MTERF3: variants seen among roughly 807,000 people sequenced by gnomAD.
MTERF3 encodes the protein transcription termination factor 3, mitochondrial.
MTERF3 carries 40 observed loss-of-function variants against 40.5 expected under a neutral mutation model. That is an observed-to-expected ratio of 0.99 (90% CI 0.77 to 1.29). The LOEUF is 1.29. Among genes scored for constraint, MTERF3 ranks in the 50% most tolerant of loss-of-function variants. MTERF3 has a pLI of 0.00. For missense variants in MTERF3, 452 were observed against 478.2 expected (o/e 0.95, Z 0.51); for synonymous variants, 158 against 166.6 (o/e 0.95, Z 0.40).
At chr8:96,260,867 T>C (rs1478915695) in intron 1 of MTERF3, among the ~76,000 whole-genome samples, 2 of 152,226 alleles carry the variant, frequency 1.3e-5, no homozygotes, top group Non-Finnish European at 2.9e-5. Context: ...TCCCAGAGCC[T>C]TGTACTGCTC....
chr8:96,245,735 CT>C lies in MTERF3; in HGVS notation c.897+124del, dbSNP rs1305233183. The C allele has an allele frequency of 7.8e-5, 62 of 790,364 alleles. 1 individual carries two copies. The South Asian group carries it at 8.4e-4, about 11-fold the overall frequency. 49.0% of individuals were successfully genotyped at this position (790,364 alleles called of 1,614,324 possible). ...TTGTTAAAGATAATTTCCTATTTCTCTTTTTAGAAATAACTTATTTTAAAGT... is the reference window on the plus strand; with the variant it reads ...TTGTTAAAGATAATTTCCTATTTCTCTTTTAGAAATAACTTATTTTAAAGT... On this transcript the variant is annotated intron_variant, in intron 6 of 7. Coordinates refer to ENST00000287025, the MANE Select transcript of MTERF3 (RefSeq NM_015942.5).
intron 3 of MTERF3, among the ~76,000 whole-genome samples, chr8:96,251,774 T>C (rs1586170194): frequency 1.3e-5 from 2 of 152,346 alleles, no homozygotes; most frequent in African/African-American, 2.4e-5. Flanking sequence ...TCATATTCAT[T>C]ATAACTCCAA....
At position 96,244,061 on chromosome 8, in the gene MTERF3, CCAAGTT is replaced by C. The variant is rs777535308; in HGVS notation, c.911_916del (p.Glu304_Leu305del). 6.2e-6 allele frequency: 10 copies of C among 1,612,400 alleles called. No homozygotes were observed. The South Asian group carries it at 1.1e-4, about 18-fold the overall frequency. ...ATGTTGAATTTCGTTATGTTTAAAA[CCAAGTT>C]CAAGACGATAAACCTAAAAGAAAGT... On this transcript the variant is annotated inframe_deletion, in exon 7 of 8. Coordinates refer to ENST00000287025, the MANE Select transcript of MTERF3 (RefSeq NM_015942.5).
chr8:96,250,489 T>C (rs1467534228), intron 4 of MTERF3, among the ~76,000 whole-genome samples: 2 of 148,856 alleles, frequency 1.3e-5, no homozygotes, highest in African/African-American at 2.5e-5. Flanking sequence ...GATGGGCAGA[T>C]CACTTGAGGT....
At chr8:96,242,284 C>T (rs1160821737) in intron 7 of MTERF3, among the ~76,000 whole-genome samples, 1 of 152,116 alleles carries the variant, frequency 6.6e-6, no homozygotes, top group African/African-American at 2.4e-5. Flanking sequence ...AACAGAGCTT[C>T]TCTGAGGCAA....
chr8:96,243,057 G>A (rs1244512696), intron 7 of MTERF3, among the ~76,000 whole-genome samples: 5 of 152,276 alleles, frequency 3.3e-5, no homozygotes, highest in Non-Finnish European at 5.9e-5. Context: ...TTAGAGGCCC[G>A]TTCCTAGTGA....
Position 96,256,993 on chromosome 8 carries a change from A to G in MTERF3, c.456T>C (p.His152=). The part of the protein sequence containing the change: ...ASFTLRDYVD[H]SETLQKLVLL... ...GAACCAACTTCTGCAGAGTCTCAGA[A>G]TGATCCACATAGTCTCGAAGTGTGA... The change falls in exon 3 of 8, where the codon CAT becomes CAC. Residue 152 remains histidine, a synonymous_variant. Coordinates refer to ENST00000287025, the MANE Select transcript of MTERF3 (RefSeq NM_015942.5). 1.2e-6 allele frequency: 2 copies of G among 1,613,524 alleles called. No homozygotes were observed. Among genetic ancestry groups the G allele is most frequent in the Non-Finnish European group, 1.7e-6 (2 of 1,179,780 alleles).
chr8:96,252,919 A>T (rs1481982973), intron 3 of MTERF3, among the ~76,000 whole-genome samples: 2 of 152,210 alleles, frequency 1.3e-5, no homozygotes, highest in African/African-American at 4.8e-5. Flanking sequence ...CAATGCAAAT[A>T]ACTTGGGCTC....
intron 4 of MTERF3, among the ~76,000 whole-genome samples, chr8:96,249,312 C>A (rs867918734): frequency 2.0e-4 from 30 of 152,182 alleles, no homozygotes; most frequent in Admixed American, 4.6e-4. Flanking sequence ...ATGATCCCTA[C>A]CCTCCTGGTA....
At chr8:96,249,613 C>CTA (rs1810086686) in intron 4 of MTERF3, among the ~76,000 whole-genome samples, 2 of 152,116 alleles carry the variant, frequency 1.3e-5, no homozygotes, top group South Asian at 4.2e-4. Context: ...CGAGAAAAGA[C>CTA]ATTAGACTGA....
At chr8:96,250,278 A>G (rs1810102026) in intron 4 of MTERF3, among the ~76,000 whole-genome samples, 1 of 151,922 alleles carries the variant, frequency 6.6e-6, no homozygotes, top group African/African-American at 2.4e-5. Context: ...AAAACCACAA[A>G]AGATCATATC....
chr8:96,239,856 C>A, intron 7 of MTERF3, 171 bp from the exon 8 acceptor site: 1 of 703,880 alleles, frequency 1.4e-6, no homozygotes, highest in South Asian at 1.5e-5. Flanking sequence ...TGTGAAGAAA[C>A]TAGAAAAAGG....
At chr8:96,244,171 G>C in intron 6 of MTERF3, 91 bp from the exon 7 acceptor site, 1 of 998,396 alleles carries the variant, frequency 1.0e-6, no homozygotes. Context: ...TTTTTTTTGA[G>C]ATGGAGCTCG....
intron 6 of MTERF3, 85 bp downstream of exon 6, chr8:96,245,775 A>T: frequency 8.5e-7 from 1 of 1,169,918 alleles, no homozygotes; most frequent in Non-Finnish European, 1.2e-6. Flanking sequence ...GTTTTCTTTT[A>T]CATGACAATA....
At chr8:96,246,137 TA>T (rs1354435326) in intron 5 of MTERF3, among the ~76,000 whole-genome samples, 169 bp downstream of exon 5, 2 of 152,242 alleles carry the variant, frequency 1.3e-5, no homozygotes, top group Non-Finnish European at 2.9e-5. Flanking sequence ...TTAAGTATTA[TA>T]AAATGATGGA....
chr8:96,253,302 G>C (rs1419064315), intron 3 of MTERF3, among the ~76,000 whole-genome samples: 2 of 152,166 alleles, frequency 1.3e-5, no homozygotes, highest in Non-Finnish European at 2.9e-5. Context: ...AGGGACTAGA[G>C]GCTATTAAGG....
intron 3 of MTERF3, among the ~76,000 whole-genome samples, chr8:96,253,010 A>G (rs1486578431): frequency 6.6e-6 from 1 of 152,228 alleles, no homozygotes; most frequent in African/African-American, 2.4e-5. Context: ...GGGGTTATAA[A>G]AAAAGAATAA....
At chr8:96,243,668 A>C (rs1809968612) in intron 7 of MTERF3, among the ~76,000 whole-genome samples, 1 of 152,246 alleles carries the variant, frequency 6.6e-6, no homozygotes, top group Admixed American at 6.5e-5. Context: ...TCTATTCCAA[A>C]GTAAAGTAGA....
chr8:96,257,395 CCTAA>C, intron 2 of MTERF3: 1 of 248,446 alleles, frequency 4.0e-6, no homozygotes, highest in African/African-American at 2.2e-5. Context: ...CTAAAAATCA[CCTAA>C]CTTTCAAGTG....
Sources: gnomAD v4.1 joint callset for allele counts (sites outside exome capture counted in the v4.1 genomes callset) on GRCh38, gnomAD v4.1.1 for gene constraint, MANE v1.5 for transcripts, NCBI Gene and HGNC (gene_info 2026-07-23, HGNC 2026-07-21) for gene names.